ASTN2: variants seen among roughly 807,000 people sequenced by gnomAD.
The protein encoded by ASTN2 is astrotactin-2.
Under a neutral mutation model 139.8 loss-of-function variants are expected in ASTN2, and 54 were observed. That is an observed-to-expected ratio of 0.39 (90% CI 0.31 to 0.48). The LOEUF (loss-of-function observed/expected upper bound fraction) is 0.48. Among genes scored for constraint, ASTN2 ranks in the 20% least tolerant of loss-of-function variants. The pLI, the probability that ASTN2 is intolerant of heterozygous loss-of-function variation, is 0.95. For synonymous variants in ASTN2, 756 were observed against 719.5 expected (o/e 1.05, Z -0.81); for missense variants, 1,565 against 1,725.1 (o/e 0.91, Z 1.64).
At chr9:116,743,038 C>G (rs1054785171) in intron 13 of ASTN2, among the ~76,000 whole-genome samples, 1 of 152,102 alleles carries the variant, frequency 6.6e-6, no homozygotes, top group Non-Finnish European at 1.5e-5. Context: ...ATAGCAAATA[C>G]CAGCAAGGAT....
At chr9:116,847,715 C>T (rs1221256267) in intron 11 of ASTN2, among the ~76,000 whole-genome samples, 1 of 152,238 alleles carries the variant, frequency 6.6e-6, no homozygotes, top group Non-Finnish European at 1.5e-5. Flanking sequence ...GCTTTAGGAA[C>T]TTGTCCCAAG....
intron 2 of ASTN2, among the ~76,000 whole-genome samples, chr9:117,268,197 A>G (rs895036282): frequency 6.6e-6 from 1 of 152,164 alleles, no homozygotes; most frequent in Non-Finnish European, 1.5e-5. Flanking sequence ...TGTGGGTAAA[A>G]GCCATGTATG....
chr9:117,342,769 A>G (rs1239142804), intron 1 of ASTN2, among the ~76,000 whole-genome samples: 2 of 152,218 alleles, frequency 1.3e-5, no homozygotes, highest in Non-Finnish European at 2.9e-5. Context: ...TCCATAACAA[A>G]TAAGAATGGG....
intron 10 of ASTN2, among the ~76,000 whole-genome samples, chr9:116,911,167 G>C (rs970056298): frequency 1.3e-5 from 2 of 152,158 alleles, no homozygotes; most frequent in African/African-American, 4.8e-5. Context: ...TCCATCCCAC[G>C]AAATAATGAT....
chr9:117,270,442 GT>G (rs534173231), intron 2 of ASTN2, among the ~76,000 whole-genome samples: 1 of 152,122 alleles, frequency 6.6e-6, no homozygotes, highest in Non-Finnish European at 1.5e-5. Context: ...TAAAGTATTT[GT>G]TTTTTTGTGA....
At chr9:116,783,953 A>G (rs185884712) in intron 13 of ASTN2, among the ~76,000 whole-genome samples, 1 of 152,340 alleles carries the variant, frequency 6.6e-6, no homozygotes, top group Admixed American at 6.5e-5. Context: ...TGAAGAGTCA[A>G]GAGTCAAGTT....
chr9:116,803,483 T>TATATATATAC (rs1830926247), intron 13 of ASTN2, among the ~76,000 whole-genome samples: 1 of 17,068 alleles, frequency 5.9e-5, no homozygotes, highest in Admixed American at 8.0e-4. Flanking sequence ...GTTCGAATAA[T>TATATATATAC]ATATATATAT....
At chr9:116,776,445 A>C (rs1296695347) in intron 13 of ASTN2, among the ~76,000 whole-genome samples, 1 of 152,234 alleles carries the variant, frequency 6.6e-6, no homozygotes, top group African/African-American at 2.4e-5. Context: ...TGCAGGTCAC[A>C]AAACACCTGA....
chr9:117,335,139 T>C (rs1274847588), intron 1 of ASTN2, among the ~76,000 whole-genome samples: 1 of 152,220 alleles, frequency 6.6e-6, no homozygotes, highest in African/African-American at 2.4e-5. Context: ...CTTTATTTTA[T>C]TCATAGCCCT....
At chr9:117,181,046 C>T in intron 3 of ASTN2, 2 of 1,482,026 alleles carry the variant, frequency 1.3e-6, no homozygotes, top group South Asian at 1.1e-5. Context: ...AGGTCAGAAA[C>T]ATAAACATAC....
intron 19 of ASTN2, among the ~76,000 whole-genome samples, chr9:116,494,626 C>T (rs148514063): frequency 1.3e-5 from 2 of 152,242 alleles, no homozygotes; most frequent in East Asian, 1.9e-4. Flanking sequence ...GCATCAACAA[C>T]GCTAGACATT....
intron 3 of ASTN2, among the ~76,000 whole-genome samples, chr9:117,171,248 G>T (rs1262931055): frequency 6.6e-6 from 1 of 152,156 alleles, no homozygotes; most frequent in African/African-American, 2.4e-5. Flanking sequence ...ACATTTGCAG[G>T]TATGCAATGC....
chr9:117,077,542 G>A (rs929222495), intron 5 of ASTN2, among the ~76,000 whole-genome samples: 4 of 152,194 alleles, frequency 2.6e-5, no homozygotes, highest in East Asian at 3.9e-4. Context: ...AAGCCCAGGA[G>A]TTCAAGACCA....
intron 1 of ASTN2, among the ~76,000 whole-genome samples, chr9:117,393,218 C>T (rs144645191): frequency 2.6e-4 from 40 of 152,266 alleles, no homozygotes; most frequent in Non-Finnish European, 4.1e-4. Flanking sequence ...CTGCAGATGG[C>T]GCCACGCTGG....
chr9:116,873,892 T>A (rs1373053488), intron 10 of ASTN2, among the ~76,000 whole-genome samples: 2 of 152,182 alleles, frequency 1.3e-5, no homozygotes, highest in Non-Finnish European at 2.9e-5. Flanking sequence ...TTCTATCATG[T>A]TGTAAGTTTC....
intron 13 of ASTN2, among the ~76,000 whole-genome samples, chr9:116,756,030 G>T (rs966279259): frequency 6.6e-6 from 1 of 152,220 alleles, no homozygotes; most frequent in Non-Finnish European, 1.5e-5. Flanking sequence ...GAATACATGT[G>T]TGTTCTTTTA....
intron 10 of ASTN2, among the ~76,000 whole-genome samples, chr9:116,891,564 C>T (rs1833762249): frequency 6.6e-6 from 1 of 152,186 alleles, no homozygotes; most frequent in African/African-American, 2.4e-5. Context: ...TGGGTGTGCA[C>T]AAAGTCCCAT....
chr9:116,808,261 T>C (rs1831078728), intron 12 of ASTN2, among the ~76,000 whole-genome samples: 1 of 149,900 alleles, frequency 6.7e-6, no homozygotes, highest in African/African-American at 2.5e-5. Flanking sequence ...AGTTTTTCAA[T>C]GCATTTAAAT....
At chr9:117,047,338 G>A (rs1838776149) in intron 5 of ASTN2, among the ~76,000 whole-genome samples, 1 of 151,954 alleles carries the variant, frequency 6.6e-6, no homozygotes, top group African/African-American at 2.4e-5. Flanking sequence ...GCACACCTTG[G>A]TCCTTGTCTC....
Sources: allele counts gnomAD v4.1 joint callset (sites outside exome capture counted in the v4.1 genomes callset), GRCh38; gene constraint gnomAD v4.1.1; transcripts MANE v1.5; gene names NCBI Gene and HGNC (gene_info 2026-07-23, HGNC 2026-07-21).